The following NBEA variants were observed in gnomAD, a reference collection of about 807,000 sequenced individuals.
The protein encoded by NBEA is lysosomal-trafficking regulator 2.
In NBEA, 44 loss-of-function variants were observed where a neutral mutation model predicts 343.4. That is an observed-to-expected ratio of 0.13 (90% CI 0.10 to 0.16). The LOEUF (loss-of-function observed/expected upper bound fraction) is 0.16. Ranked by LOEUF, NBEA falls within the 10% of genes least tolerant of loss-of-function variation. The pLI is 1.00. For missense variants in NBEA, 2,555 were observed against 3,631.3 expected (o/e 0.70, Z 7.62); for synonymous variants, 1,175 against 1,238.7 (o/e 0.95, Z 1.08).
intron 48 of NBEA, among the ~76,000 whole-genome samples, chr13:35,612,964 T>A (rs1261339533): frequency 6.6e-6 from 1 of 151,958 alleles, no homozygotes; most frequent in Non-Finnish European, 1.5e-5. Context: ...TTTATATTTA[T>A]GGGGTATACT....
intron 58 of NBEA, among the ~76,000 whole-genome samples, chr13:35,669,764 G>C (rs1218729006): frequency 6.6e-6 from 1 of 152,114 alleles, no homozygotes. Context: ...AAGTACTAAG[G>C]ATCCACAACA....
chr13:35,615,842 G>T (rs1178860636), intron 48 of NBEA, among the ~76,000 whole-genome samples: 1 of 152,050 alleles, frequency 6.6e-6, no homozygotes, highest in Non-Finnish European at 1.5e-5. Flanking sequence ...ATTCAGCATG[G>T]TCCAGCCCCA....
At chr13:35,021,169 A>G (rs1023823894) in intron 1 of NBEA, among the ~76,000 whole-genome samples, 3 of 151,902 alleles carry the variant, frequency 2.0e-5, no homozygotes, top group Admixed American at 1.3e-4. Context: ...CTGGCAAACT[A>G]TTGCCTATCT....
At chr13:35,364,187 A>T (rs2040973784) in intron 38 of NBEA, among the ~76,000 whole-genome samples, 1 of 151,906 alleles carries the variant, frequency 6.6e-6, no homozygotes, top group Non-Finnish European at 1.5e-5. Flanking sequence ...AGTGAAGGGC[A>T]TCTAGGAAAC....
Position 35,158,922 on chromosome 13 carries a change from A to AT in NBEA, c.2845-88dup, listed in dbSNP as rs371483357. Reference sequence around the variant, plus strand: ...TTGAAGTCTTAAACTTTCTGGCATTATTTTTTCTATTTCCACAATTTAATT... The same window carrying AT: ...TTGAAGTCTTAAACTTTCTGGCATTATTTTTTTCTATTTCCACAATTTAATT... On this transcript the variant is annotated intron_variant, in intron 21 of 58. Transcript: ENST00000379939. 4.1e-5 allele frequency: 48 copies of AT among 1,159,704 alleles called. No individual in the cohort carries two copies. In the African/African-American group the frequency reaches 7.0e-4, roughly 17 times the overall value. The allele number at this position is 1,159,704 out of a possible 1,614,324, so 71.8% of individuals were successfully genotyped here.
At chr13:35,065,259 T>C (rs2063609882) in intron 8 of NBEA, among the ~76,000 whole-genome samples, 1 of 151,964 alleles carries the variant, frequency 6.6e-6, no homozygotes, top group Admixed American at 6.6e-5. Context: ...TTTTCTTTCT[T>C]TGGATGTCTT....
At chr13:35,135,671 T>C (rs370408359) in intron 17 of NBEA, among the ~76,000 whole-genome samples, 2 of 151,988 alleles carry the variant, frequency 1.3e-5, no homozygotes, top group East Asian at 3.9e-4. Context: ...GAATAATGAG[T>C]ATTTATTGTA....
chr13:35,352,285 C>A lies in NBEA; in HGVS notation c.6141C>A (p.Leu2047=). ...NQLKQKILNI[L]TNKHGAWGAV... ...TGAAACAGAAGATTCTCAATATTCT[C>A]ACAAATAAACATGGTGCTTGGGGAG... Residue 2047 remains leucine, a synonymous_variant, in exon 38 of 59, where the codon CTC becomes CTA. Transcript: ENST00000379939. 1 of 1,539,334 alleles carries A rather than the reference C, an allele frequency of 6.5e-7. No homozygotes were observed. Among genetic ancestry groups the A allele is most frequent in the Non-Finnish European group, 8.8e-7 (1 of 1,137,828 alleles).
rs368078565 is a variant in NBEA, at chr13:35,159,450, A to G, written c.3279A>G (p.Glu1093=). Residue 1093 remains glutamate (E), a synonymous_variant, in exon 22 of 59, where the codon GAA becomes GAG. Coordinates refer to ENST00000379939, the MANE Select transcript of NBEA (RefSeq NM_001385012.1). The part of the protein sequence containing the change: ...GGENGALVEV[E]SLLDNVYSAA... ...AGAATGGTGCCCTTGTGGAGGTTGAATCTCTGTTGGATAATGTATATAGTG... is the reference window on the plus strand; with the variant it reads ...AGAATGGTGCCCTTGTGGAGGTTGAGTCTCTGTTGGATAATGTATATAGTG... The G allele has an allele frequency of 1.2e-6, 2 of 1,613,356 alleles. No homozygotes were observed. The highest frequency in any genetic ancestry group is 1.7e-6 in the Non-Finnish European group (2 of 1,179,690).
chr13:35,609,726 T>C (rs2082421267), intron 48 of NBEA, among the ~76,000 whole-genome samples: 4 of 152,238 alleles, frequency 2.6e-5, no homozygotes, highest in South Asian at 4.1e-4. Context: ...AGCTCCCTTA[T>C]CTTGCGTTAC....
chr13:35,044,876 C>A, intron 2 of NBEA, 71 bp from the exon 3 acceptor site: 2 of 1,160,654 alleles, frequency 1.7e-6, no homozygotes, highest in Admixed American at 2.3e-5. Flanking sequence ...TTTTTTCTTT[C>A]AAAAAGTATA....
chr13:35,526,721 C>T lies in NBEA; in HGVS notation c.6586-23756C>T, dbSNP rs796487337. 1.1e-4 allele frequency among the ~76,000 whole-genome samples: 17 copies of T among 152,284 alleles called. 1 individual carries two copies. Among genetic ancestry groups the T allele is most frequent in the African/African-American group, 4.1e-4 (17 of 41,558 alleles). On this transcript the variant is annotated intron_variant, in intron 41 of 58. Coordinates refer to ENST00000379939, the MANE Select transcript of NBEA (RefSeq NM_001385012.1). ...GCCCAGATCCCATGCCTGCCAAGGGCGAGCCAGGCACAGAGTGGTGAAGAA... is the reference window on the plus strand; with the variant it reads ...GCCCAGATCCCATGCCTGCCAAGGGTGAGCCAGGCACAGAGTGGTGAAGAA...
chr13:35,119,581 AT>A (rs35166245), intron 16 of NBEA, among the ~76,000 whole-genome samples: 9 of 151,272 alleles, frequency 5.9e-5, no homozygotes, highest in Admixed American at 2.0e-4. Context: ...AACTGTTACA[AT>A]TTTTTTTTCT....
intron 18 of NBEA, among the ~76,000 whole-genome samples, chr13:35,145,360 G>A (rs931518618): frequency 1.4e-4 from 21 of 152,190 alleles, no homozygotes; most frequent in African/African-American, 4.6e-4. Flanking sequence ...CTTGGGCTTA[G>A]GATGTACCCC....
chr13:35,020,187 A>T (rs759500562), intron 1 of NBEA, among the ~76,000 whole-genome samples: 1 of 151,976 alleles, frequency 6.6e-6, no homozygotes, highest in African/African-American at 2.4e-5. Context: ...ATATCTAATA[A>T]ATTTTGATAT....
At chr13:35,029,689 G>C (rs1156977258) in intron 1 of NBEA, among the ~76,000 whole-genome samples, 2 of 151,540 alleles carry the variant, frequency 1.3e-5, no homozygotes, top group African/African-American at 4.8e-5. Context: ...GATATTTAAA[G>C]ACTCACTCTA....
chr13:35,463,380 T>C (rs764393267), intron 40 of NBEA, among the ~76,000 whole-genome samples: 3 of 152,060 alleles, frequency 2.0e-5, no homozygotes, highest in Non-Finnish European at 4.4e-5. Context: ...CCCAGCACTT[T>C]TGGAGGGTGA....
intron 36 of NBEA, among the ~76,000 whole-genome samples, chr13:35,318,734 G>C (rs1427222412): frequency 3.3e-5 from 5 of 151,672 alleles, no homozygotes; most frequent in Non-Finnish European, 7.4e-5. Flanking sequence ...CTGGTCCTGG[G>C]CTTTTTTTGT....
intron 41 of NBEA, among the ~76,000 whole-genome samples, chr13:35,484,272 G>A (rs61949168): frequency 0.53 from 58,854 of 111,668 alleles, 14,976 homozygotes; most frequent in Non-Finnish European, 0.65. Context: ...GTGTGTGTGT[G>A]TGTATATATA....
Sources: gnomAD v4.1 joint callset for allele counts (sites outside exome capture counted in the v4.1 genomes callset) on GRCh38, gnomAD v4.1.1 for gene constraint, MANE v1.5 for transcripts, NCBI Gene and HGNC (gene_info 2026-07-23, HGNC 2026-07-21) for gene names.